RBM44: variants seen among roughly 807,000 people sequenced by gnomAD.
The protein encoded by RBM44 is RNA-binding protein 44.
Under a neutral mutation model 105.1 loss-of-function variants are expected in RBM44, and 66 were observed. The observed-to-expected ratio is 0.63, with a 90% CI of 0.52 to 0.77. The LOEUF is 0.77. Among genes scored for constraint, RBM44 ranks in the 30% least tolerant of loss-of-function variants. RBM44 has a pLI of 0.00. For synonymous variants in RBM44, 365 were observed against 417.6 expected, an observed-to-expected ratio of 0.87 and a Z score of 1.54; for missense variants, 1,122 against 1,207.8, an observed-to-expected ratio of 0.93 and a Z score of 1.05.
In RBM44 at chr2:237,818,136, C is replaced by T; in HGVS notation, c.1217C>T (p.Ala406Val). ...YESLQNTADSALDFSAMLPKI... is the reference protein window; with the variant it reads ...YESLQNTADSVLDFSAMLPKI... ...AGCCTACAAAACACTGCTGACTCAG[C>T]CTTAGATTTTTCTGCTATGCTACCA... is the stretch of plus-strand genomic sequence containing the variant. Residue 406 changes from alanine to valine, a missense_variant, in exon 3 of 16, where the codon GCC (alanine) becomes GTC (valine). Physicochemically the swap from Ala to Val is moderately conservative, Grantham distance 64. Around this residue, in one of 3 missense-constraint regions of RBM44, gnomAD observed 918 missense variants for 955.3 expected, o/e 0.96. Coordinates refer to ENST00000316997, the MANE Select transcript of RBM44 (RefSeq NM_001080504.3). This position sits in a 1 kb window ranked among gnomAD's most constrained non-coding sequence, Gnocchi z 4.6. 1.2e-6 allele frequency: 2 copies of T among 1,613,014 alleles called. No homozygotes were observed. The highest frequency in any genetic ancestry group is 1.7e-6 in the Non-Finnish European group (2 of 1,179,442).
In RBM44 at chr2:237,834,183, G is replaced by A. The variant is rs372406534; in HGVS notation, c.3032+41G>A. 664 of 1,530,604 alleles carry A rather than the reference G, an allele frequency of 4.3e-4. 1 individual carries two copies. Among genetic ancestry groups the A allele is most frequent in the Non-Finnish European group, 5.5e-4 (623 of 1,135,580 alleles). The allele number at this position is 1,530,604 out of a possible 1,614,324, so 94.8% of individuals were successfully genotyped here. On this transcript the variant is annotated intron_variant, in intron 14 of 15. Coordinates refer to ENST00000316997, the MANE Select transcript of RBM44 (RefSeq NM_001080504.3). The stretch of plus-strand genomic sequence containing the variant: ...ATATTTTAACTGCTTTAAAACTTCT[G>A]TGTAAAAATATAGTTCAAGTTAATA...
In RBM44 at chr2:237,818,826, A is replaced by G; in HGVS notation, c.1678-75A>G. 1 of 877,376 alleles carries G rather than the reference A, an allele frequency of 1.1e-6. No homozygotes were observed. The highest frequency in any genetic ancestry group is 2.7e-5 in the East Asian group (1 of 36,586). 54.3% of individuals were successfully genotyped at this position (877,376 alleles called of 1,614,324 possible). ...GCTCCTCCCACAAAATCCATTAGAA[A>G]TTGAATTGTACATTTTATTAGTTTG... On this transcript the variant is annotated intron_variant, in intron 3 of 15. Transcript: ENST00000316997. This position sits in a 1 kb window ranked among gnomAD's most constrained non-coding sequence, Gnocchi z 4.6.
chr2:237,807,297 T>C (rs576803777), intron 1 of RBM44, among the ~76,000 whole-genome samples: 66 of 152,238 alleles, frequency 4.3e-4, no homozygotes, highest in Non-Finnish European at 8.7e-4. Flanking sequence ...TACAGGCACC[T>C]GCCACCACAC....
chr2:237,806,471 T>G (rs1425545428), intron 1 of RBM44, among the ~76,000 whole-genome samples: 2 of 152,202 alleles, frequency 1.3e-5, no homozygotes, highest in African/African-American at 4.8e-5. Flanking sequence ...TATGACACAG[T>G]GTAGGACTGT....
chr2:237,801,647 A>G (rs983870355), intron 1 of RBM44, among the ~76,000 whole-genome samples: 1 of 152,194 alleles, frequency 6.6e-6, no homozygotes, highest in African/African-American at 2.4e-5. Flanking sequence ...ATTTTTATAC[A>G]TAATAACTCT....
Position 237,817,224 on chromosome 2 carries a change from G to A in RBM44, c.305G>A (p.Ser102Asn), listed in dbSNP as rs368187573. 2 of 1,603,830 alleles carry A rather than the reference G, an allele frequency of 1.2e-6. No homozygotes were observed. The change falls in exon 3 of 16, where the codon AGT becomes AAT. Residue 102 changes from serine to asparagine, a missense_variant. This residue lies in a region of RBM44 where 918 missense variants were observed against 955.3 expected (regional missense o/e 0.96). Transcript: ENST00000316997. ...TTTCAGTCAAGTGAACTTGAAGACA[G>A]TACTGACTATGCTTTCTTGAATAAA... ...TQFQSSELED[S>N]TDYAFLNKTY...
chr2:237,840,694 T>A (rs1373357290), intron 15 of RBM44, among the ~76,000 whole-genome samples: 1 of 152,156 alleles, frequency 6.6e-6, no homozygotes, highest in Non-Finnish European at 1.5e-5. Context: ...AGGTCTAATA[T>A]GCAGAATCTG....
chr2:237,817,397 A>G lies in RBM44; in HGVS notation c.478A>G (p.Ile160Val). The G allele has an allele frequency of 6.2e-7, 1 of 1,602,640 alleles. No homozygotes were observed. Among genetic ancestry groups the G allele is most frequent in the Non-Finnish European group, 8.5e-7 (1 of 1,174,180 alleles). Residue 160 changes from isoleucine to valine, a missense_variant, in exon 3 of 16, where the codon ATC (isoleucine) becomes GTC (valine). Transcript: ENST00000316997. ...AGATAAGACTGTTGGCTTGGAAAGA[A>G]TCTACAATATTTCAGATGCTAATTA... ...HQDKTVGLER[I>V]YNISDANYRE...
At chr2:237,819,807 C>T (rs2061763471) in intron 4 of RBM44, among the ~76,000 whole-genome samples, 1 of 151,630 alleles carries the variant, frequency 6.6e-6, no homozygotes, top group African/African-American at 2.4e-5. Flanking sequence ...AAAATCTTGG[C>T]CAAAGTTTGA....
intron 9 of RBM44, 34 bp downstream of exon 9, chr2:237,823,588 C>A: frequency 1.0e-6 from 1 of 956,026 alleles, no homozygotes; most frequent in Non-Finnish European, 1.6e-6. Flanking sequence ...TGTATAGTTG[C>A]TGGAAAACAA....
At position 237,818,951 on chromosome 2, in the gene RBM44, T is replaced by G; in HGVS notation, c.1728T>G (p.His576Gln). The change falls in exon 4 of 16, where the codon CAT (histidine) becomes CAG (glutamine). Residue 576 changes from histidine to glutamine, a missense_variant. By Grantham distance (24) the His-to-Gln change is conservative (BLOSUM62 0). Coordinates refer to ENST00000316997, the MANE Select transcript of RBM44 (RefSeq NM_001080504.3). The surrounding 1 kb of genome is among the most constrained non-coding windows in gnomAD (Gnocchi z 4.6). ...GTGGTATCACAGACCTAAAGAAACA[T>G]CCTGAGAGGTACATCATTTATATAT... ...KACGITDLKKHPEREFQLFKD... is the reference protein window; with the variant it reads ...KACGITDLKKQPEREFQLFKD... 2.1e-6 allele frequency: 3 copies of G among 1,457,450 alleles called. No homozygotes were observed. The highest frequency in any genetic ancestry group is 2.8e-6 in the Non-Finnish European group (3 of 1,069,506). The allele number at this position is 1,457,450 out of a possible 1,614,324, so 90.3% of individuals were successfully genotyped here. A position where few individuals can be genotyped will look rare whatever the true frequency, so the allele number is the denominator to read the frequency against.
At position 237,817,081 on chromosome 2, in the gene RBM44, G is replaced by A; in HGVS notation, c.162G>A (p.Trp54Ter). The change falls in exon 3 of 16, where the codon TGG (tryptophan) becomes TGA (stop). Residue 54 changes from tryptophan to a stop codon, truncating the protein, a stop_gained. Transcript: ENST00000316997. LOFTEE classifies it high-confidence loss of function. ...EVKLTFPDDD[W>*]NSSTLEQRAN... The stretch of plus-strand genomic sequence containing the variant: ...AATTGACTTTTCCTGATGATGACTG[G>A]AATTCTTCGACACTAGAGCAAAGAG... The A allele has an allele frequency of 6.2e-7, 1 of 1,604,708 alleles. No homozygotes were observed. The highest frequency in any genetic ancestry group is 8.5e-7 in the Non-Finnish European group (1 of 1,176,286).
At position 237,801,539 on chromosome 2, in the gene RBM44, C is replaced by G. The variant is rs144844814; in HGVS notation, c.-19+2678C>G. The stretch of plus-strand genomic sequence containing the variant: ...CAGGGGTTTCACCATGTTGCCTAGG[C>G]TGGTCTGGAACTCCTGAGCTCAAGT... On this transcript the variant is annotated intron_variant, in intron 1 of 15. Transcript: ENST00000316997. Among the ~76,000 whole-genome samples the G allele has an allele frequency of 5.6e-3, 852 of 152,240 alleles. 8 individuals are homozygous for G. Among genetic ancestry groups the G allele is most frequent in the African/African-American group, 0.019 (773 of 41,532 alleles).
Position 237,841,238 on chromosome 2 carries a change from T to TA in RBM44, c.*23-595dup, listed in dbSNP as rs1454368370. 2.7e-4 allele frequency among the ~76,000 whole-genome samples: 41 copies of TA among 152,194 alleles called. No individual in the cohort carries two copies. The highest frequency in any genetic ancestry group is 9.6e-4 in the African/African-American group (40 of 41,514). ...TACACCATGGAGTACTATGCAGCCATAAAAAAGAATGAGATGATGTGCTTT... is the reference window on the plus strand; with the variant it reads ...TACACCATGGAGTACTATGCAGCCATAAAAAAAGAATGAGATGATGTGCTTT... On this transcript the variant is annotated intron_variant, in intron 15 of 15. Coordinates refer to ENST00000316997, the MANE Select transcript of RBM44 (RefSeq NM_001080504.3). The surrounding 1 kb of genome is among the most constrained non-coding windows in gnomAD (Gnocchi z 4.5).
intron 15 of RBM44, among the ~76,000 whole-genome samples, chr2:237,839,266 GGGTT>G (rs1300147328): frequency 6.6e-6 from 1 of 152,006 alleles, no homozygotes; most frequent in African/African-American, 2.4e-5. Context: ...GTGTGGGGAG[GGGTT>G]GGTTTGTTTT....
intron 1 of RBM44, among the ~76,000 whole-genome samples, chr2:237,806,846 G>A (rs973506190): frequency 1.3e-5 from 2 of 152,202 alleles, no homozygotes; most frequent in African/African-American, 4.8e-5. Context: ...TTGCCCACCT[G>A]GCAAGGAGTT....
chr2:237,807,888 C>T (rs1396869310), intron 1 of RBM44, among the ~76,000 whole-genome samples: 1 of 152,178 alleles, frequency 6.6e-6, no homozygotes, highest in Non-Finnish European at 1.5e-5. Flanking sequence ...CAAACAAGTT[C>T]TCTCTGAGGG....
At chr2:237,820,578 T>C in intron 5 of RBM44, 1 of 352,300 alleles carries the variant, frequency 2.8e-6, no homozygotes. Context: ...GTTTTTTCTT[T>C]ATAAAGTTCA....
At position 237,821,205 on chromosome 2, in the gene RBM44, T is replaced by G. The variant is rs2061784557; in HGVS notation, c.2048T>G (p.Leu683Arg). Reference sequence around the variant, plus strand: ...ATACCACTGGAAGAGCTGCCCCCACTGTCACTAGAATCAAAATTATTATCT... The same window carrying G: ...ATACCACTGGAAGAGCTGCCCCCACGGTCACTAGAATCAAAATTATTATCT... ...KGIPLEELPP[L>R]SLESKLLSTF... The change falls in exon 6 of 16, where the codon CTG (leucine) becomes CGG (arginine). Residue 683 changes from leucine to arginine, a missense_variant. Physicochemically the swap from Leu to Arg is moderately radical, Grantham distance 102 (BLOSUM62 -2). This residue lies in a region of RBM44 where 918 missense variants were observed against 955.3 expected (regional missense o/e 0.96). Transcript: ENST00000316997. 2 of 1,609,812 alleles carry G rather than the reference T, an allele frequency of 1.2e-6. No homozygotes were observed. The highest frequency in any genetic ancestry group is 2.7e-5 in the African/African-American group (2 of 74,842).
Sources: allele counts gnomAD v4.1 joint callset (sites outside exome capture counted in the v4.1 genomes callset), GRCh38; gene constraint gnomAD v4.1.1; regional missense constraint gnomAD v4.1.1; non-coding constraint Gnocchi (gnomAD v3.1); transcripts MANE v1.5; gene names NCBI Gene and HGNC (gene_info 2026-07-23, HGNC 2026-07-21).